Variants in ANKFY1 observed in about 807,000 individuals in gnomAD.
ANKFY1 encodes the protein ankyrin repeat and FYVE domain containing 1.
ANKFY1 carries 47 observed loss-of-function variants against 128.3 expected under a neutral mutation model. That is an observed-to-expected ratio of 0.37 (90% CI 0.29 to 0.47). The LOEUF (loss-of-function observed/expected upper bound fraction) is 0.47, where lower values mean the gene tolerates loss of function less well. Among genes scored for constraint, ANKFY1 ranks in the 20% least tolerant of loss-of-function variants. ANKFY1 has a pLI of 1.00. For synonymous variants in ANKFY1, 553 were observed against 601.6 expected, an observed-to-expected ratio of 0.92 and a Z score of 1.18; for missense variants, 1,222 against 1,510.6, an observed-to-expected ratio of 0.81 and a Z score of 3.17.
At chr17:4,189,206 C>A (rs1598039446) in intron 11 of ANKFY1, among the ~76,000 whole-genome samples, 176 bp downstream of exon 11, 1 of 152,160 alleles carries the variant, frequency 6.6e-6, no homozygotes, top group East Asian at 1.9e-4. Flanking sequence ...ATCAATCAAC[C>A]AATATTTGAA....
Position 4,222,506 on chromosome 17 carries a change from AG to A in ANKFY1, c.323-5389del, listed in dbSNP as rs536588455. 4.6e-5 allele frequency: 43 copies of A among 935,072 alleles called. 1 individual carries two copies. The Middle Eastern group carries it at 6.4e-4, about 14-fold the overall frequency. 57.9% of individuals were successfully genotyped at this position (935,072 alleles called of 1,614,324 possible). On this transcript the variant is annotated intron_variant, in intron 3 of 24. Transcript: ENST00000341657. ...CTGCCCCAGGGCAACATTTCTGTTC[AG>A]GGAGAAGTTCTACGCACTTTATCAG...
rs1290076557 is a variant in ANKFY1, at chr17:4,242,355, G to T, written c.104C>A (p.Ala35Asp). Residue 35 changes from alanine to aspartate, a missense_variant, in exon 2 of 25, where the codon GCT (alanine) becomes GAT (aspartate). By Grantham distance (126) the Ala-to-Asp change is moderately radical. Transcript: ENST00000341657. ...CTTGTTTGCCTGCGCAGCCAAGAGA[G>T]CGCAGCGCTTCTCTGTCTCCGCCAG... The part of the protein sequence containing the change: ...KKLAETEKRC[A>D]LLAAQANKES... 1.9e-6 allele frequency: 3 copies of T among 1,604,270 alleles called. No individual in the cohort carries two copies. In the Admixed American group the frequency reaches 5.2e-5, roughly 28 times the overall value.
intron 1 of ANKFY1, among the ~76,000 whole-genome samples, chr17:4,244,592 T>TC (rs1387366880): frequency 6.6e-6 from 1 of 151,956 alleles, no homozygotes; most frequent in East Asian, 1.9e-4. Context: ...GACACTGCCC[T>TC]CAAGCCCATC....
At chr17:4,257,365 G>A (rs1440039379) in intron 1 of ANKFY1, among the ~76,000 whole-genome samples, 2 of 144,422 alleles carry the variant, frequency 1.4e-5, no homozygotes, top group African/African-American at 2.4e-5. Context: ...TGTCGCTACC[G>A]TGGCTGATTC....
Position 4,167,952 on chromosome 17 carries a change from G to A in ANKFY1, c.3378-41C>T, listed in dbSNP as rs199886194. 5.9e-4 allele frequency: 942 copies of A among 1,592,122 alleles called. 1 individual carries two copies. The highest frequency in any genetic ancestry group is 5.7e-4 in the Non-Finnish European group (666 of 1,166,448). Reference sequence around the variant, plus strand: ...AAGGAAGTATGAGAGGAGCGCCAACGACAGACTCTGCTTCCTGGCACGTGA... The same window carrying A: ...AAGGAAGTATGAGAGGAGCGCCAACAACAGACTCTGCTTCCTGGCACGTGA... On this transcript the variant is annotated intron_variant, in intron 24 of 24. Transcript: ENST00000341657. The surrounding 1 kb of genome is among the most constrained non-coding windows in gnomAD (Gnocchi z 4.1).
intron 3 of ANKFY1, among the ~76,000 whole-genome samples, chr17:4,229,505 T>C (rs763207444): frequency 1.3e-5 from 2 of 151,234 alleles, no homozygotes; most frequent in Non-Finnish European, 2.9e-5. Flanking sequence ...CAAAGAAAGA[T>C]TTAATACAGA....
rs1438927726 is a variant in ANKFY1, at chr17:4,178,958, G to A, written c.2497C>T (p.Arg833Ter). The A allele has an allele frequency of 6.2e-7, 1 of 1,614,164 alleles. No individual in the cohort carries two copies. Among genetic ancestry groups the A allele is most frequent in the East Asian group, 2.2e-5 (1 of 44,880 alleles). ...VSHPDIHLNV[R>*]DRQGLTPFAC... is the part of the protein sequence containing the mutation. The stretch of plus-strand genomic sequence containing the variant: ...AACGGGGTCAGCCCTTGTCTGTCTC[G>A]TACATTCAAATGGATATCGGGGTGA... Residue 833 changes from arginine to a stop codon, truncating the protein, a stop_gained, in exon 18 of 25, where the codon CGA becomes TGA. Transcript: ENST00000341657. LOFTEE classifies it high-confidence loss of function. This position sits in a 1 kb window ranked among gnomAD's most constrained non-coding sequence, Gnocchi z 4.1.
At chr17:4,185,080 T>A in intron 11 of ANKFY1, 34 bp from the exon 12 acceptor site, 4 of 1,579,198 alleles carry the variant, frequency 2.5e-6, no homozygotes, top group Non-Finnish European at 3.4e-6. Flanking sequence ...ATCTGAGCAC[T>A]CACAGGAATT....
intron 1 of ANKFY1, among the ~76,000 whole-genome samples, chr17:4,253,218 C>A (rs529847300): frequency 5.3e-5 from 8 of 152,212 alleles, no homozygotes; most frequent in Admixed American, 3.9e-4. Context: ...CAGACTCCAT[C>A]TCAACAACAA....
Position 4,180,688 on chromosome 17 carries a change from CAG to C in ANKFY1, c.2240+564_2240+565del, listed in dbSNP as rs2059495565. On this transcript the variant is annotated intron_variant, in intron 16 of 24. Transcript: ENST00000341657. Reference sequence around the variant, plus strand: ...AGGAGAATGGCGTGAACCCAGGAGGCAGAGTTTGCAGTGAGCCAACCAAGATG... The same window carrying C: ...AGGAGAATGGCGTGAACCCAGGAGGCAGTTTGCAGTGAGCCAACCAAGATG... Among the ~76,000 whole-genome samples the C allele has an allele frequency of 3.7e-5, 5 of 134,620 alleles. No individual in the cohort carries two copies. In the South Asian group the frequency reaches 1.2e-3, roughly 31 times the overall value. 88.3% of individuals were successfully genotyped at this position (134,620 alleles called of 152,430 possible).
chr17:4,175,192 G>GTGTAATGGTGTGCACC, intron 19 of ANKFY1, among the ~76,000 whole-genome samples: 1 of 151,708 alleles, frequency 6.6e-6, no homozygotes, highest in Non-Finnish European at 1.5e-5. Context: ...AATTAGCTGG[G>GTGTAATGGTGTGCACC]TGTAATGGTG....
At chr17:4,211,632 C>A (rs1375188838) in intron 4 of ANKFY1, among the ~76,000 whole-genome samples, 2 of 152,040 alleles carry the variant, frequency 1.3e-5, no homozygotes, top group Non-Finnish European at 2.9e-5. Flanking sequence ...CTCTGGGAGG[C>A]CAAGGCAGGA....
rs1470055846 is a variant in ANKFY1, at chr17:4,165,524, T to C, written c.*2255A>G. ...GCTCCCACTCAAGCAGCCTGCTGAGTGCAGCCCAGCGAGCGTCCGCGTGGT... is the reference window on the plus strand; with the variant it reads ...GCTCCCACTCAAGCAGCCTGCTGAGCGCAGCCCAGCGAGCGTCCGCGTGGT... On this transcript the variant is annotated 3_prime_UTR_variant, in exon 25 of 25. Coordinates refer to ENST00000341657, the MANE Select transcript of ANKFY1 (RefSeq NM_001330063.2). 6.6e-6 allele frequency: 1 copy of C among 152,172 alleles called. No individual in the cohort carries two copies. Among genetic ancestry groups the C allele is most frequent in the Admixed American group, 6.5e-5 (1 of 15,274 alleles). 9.4% of individuals were successfully genotyped at this position (152,172 alleles called of 1,614,324 possible).
chr17:4,173,760 T>C (rs1458325995), intron 20 of ANKFY1, 149 bp downstream of exon 20: 22 of 1,114,258 alleles, frequency 2.0e-5, no homozygotes, highest in Admixed American at 1.7e-4. Flanking sequence ...CAGTCGCAGG[T>C]TGGATGCTCT....
At position 4,173,374 on chromosome 17, in the gene ANKFY1, G is replaced by A. The variant is rs9895220; in HGVS notation, c.2994C>T (p.Asp998=). The change falls in exon 21 of 25, where the codon GAC becomes GAT. Residue 998 remains aspartate, a synonymous_variant. Coordinates refer to ENST00000341657, the MANE Select transcript of ANKFY1 (RefSeq NM_001330063.2). ...CTCACCTGAGATTAAAGGCTTCGGC[G>A]TCCACTGTGCACTCTGTCAGGAGAA... ...IRVLLTECTV[D]AEAFNLRGQS... 9,375 of 1,614,086 alleles carry A rather than the reference G, an allele frequency of 5.8e-3. 468 individuals are homozygous for A. The African/African-American group carries it at 0.11, about 18-fold the overall frequency.
chr17:4,177,407 T>C (rs1020891380), intron 18 of ANKFY1, 105 bp from the exon 19 acceptor site: 4 of 1,038,392 alleles, frequency 3.9e-6, no homozygotes, highest in Non-Finnish European at 4.1e-6. Flanking sequence ...GATGGAGACC[T>C]TCCCTCAGTC....
chr17:4,169,896 ACTGT>A lies in ANKFY1; in HGVS notation c.3287-612_3287-609del, dbSNP rs2059283254. ...GCTGAACTCTCACTCTATCCCAGGC[ACTGT>A]CTGACTGCTCTACATAGACAGGTCC... On this transcript the variant is annotated intron_variant, in intron 23 of 24. Coordinates refer to ENST00000341657, the MANE Select transcript of ANKFY1 (RefSeq NM_001330063.2). This position sits in a 1 kb window ranked among gnomAD's most constrained non-coding sequence, Gnocchi z 5.0. Among the ~76,000 whole-genome samples the A allele has an allele frequency of 2.6e-5, 4 of 152,202 alleles. No homozygotes were observed. Among genetic ancestry groups the A allele is most frequent in the Admixed American group, 2.6e-4 (4 of 15,282 alleles).
intron 3 of ANKFY1, among the ~76,000 whole-genome samples, chr17:4,219,256 T>C (rs1014565527): frequency 6.6e-6 from 1 of 152,204 alleles, no homozygotes; most frequent in Non-Finnish European, 1.5e-5. Flanking sequence ...AACTCTTGAT[T>C]AGTCAGAATA....
intron 1 of ANKFY1, among the ~76,000 whole-genome samples, chr17:4,260,618 CAAAAAAAAAAAAAA>C (rs60030304): frequency 4.6e-5 from 3 of 65,074 alleles, no homozygotes; most frequent in South Asian, 6.6e-4. Context: ...ATCCTGTCTC[CAAAAAAAAAAAAAA>C]AAAAAAAAAA....
Sources: allele counts gnomAD v4.1 joint callset (sites outside exome capture counted in the v4.1 genomes callset), GRCh38; gene constraint gnomAD v4.1.1; non-coding constraint Gnocchi (gnomAD v3.1); transcripts MANE v1.5; gene names NCBI Gene and HGNC (gene_info 2026-07-23, HGNC 2026-07-21).